The following RAPGEF2 variants were observed in gnomAD, a reference collection of about 807,000 sequenced individuals.
RAPGEF2 encodes the protein Rap guanine nucleotide exchange factor 2, also known as PDZ domain containing guanine nucleotide exchange factor (GEF) 1.
A neutral mutation model predicts 186.7 loss-of-function variants in RAPGEF2; 54 were observed. That is an observed-to-expected ratio of 0.29 (90% CI 0.23 to 0.36). RAPGEF2 has a LOEUF of 0.36. Ranked by LOEUF, RAPGEF2 falls within the 10% of genes least tolerant of loss-of-function variation. The pLI is 1.00. For missense variants in RAPGEF2, 1,532 were observed against 2,045.0 expected (o/e 0.75, Z 4.84); for synonymous variants, 712 against 705.9 (o/e 1.01, Z -0.14).
chr4:159,122,834 T>G (rs1188014696), intron 1 of RAPGEF2, among the ~76,000 whole-genome samples: 1 of 152,210 alleles, frequency 6.6e-6, no homozygotes, highest in African/African-American at 2.4e-5. Context: ...ATGCTGGAAG[T>G]GTTCCCAAGA....
intron 7 of RAPGEF2, among the ~76,000 whole-genome samples, chr4:159,302,648 A>G (rs1762812658): frequency 6.6e-6 from 1 of 152,212 alleles, no homozygotes; most frequent in Non-Finnish European, 1.5e-5. Context: ...TTGTTCCTGA[A>G]GAAGTCCTGC....
chr4:159,321,865 A>G (rs1428885289), intron 9 of RAPGEF2, among the ~76,000 whole-genome samples: 1 of 146,494 alleles, frequency 6.8e-6, no homozygotes, highest in Non-Finnish European at 1.5e-5. Context: ...TTTTTAATTG[A>G]TCTTTTTTAT....
chr4:159,292,100 T>A (rs1241789962), intron 7 of RAPGEF2, among the ~76,000 whole-genome samples: 1 of 152,154 alleles, frequency 6.6e-6, no homozygotes, highest in Non-Finnish European at 1.5e-5. Flanking sequence ...ATATTTAAAA[T>A]GTGTTGAATT....
intron 3 of RAPGEF2, among the ~76,000 whole-genome samples, chr4:159,201,140 A>G (rs1475755748): frequency 1.3e-5 from 2 of 152,186 alleles, no homozygotes; most frequent in Non-Finnish European, 2.9e-5. Flanking sequence ...GCTTTGTGCC[A>G]TTTGACTATA....
intron 1 of RAPGEF2, among the ~76,000 whole-genome samples, chr4:159,124,316 G>A (rs1399045834): frequency 6.6e-6 from 1 of 151,388 alleles, no homozygotes; most frequent in Non-Finnish European, 1.5e-5. Context: ...GAGGCGGGCG[G>A]ATCACCTGAG....
chr4:159,260,134 T>G (rs1267419020), intron 7 of RAPGEF2, among the ~76,000 whole-genome samples: 1 of 152,024 alleles, frequency 6.6e-6, no homozygotes, highest in Non-Finnish European at 1.5e-5. Context: ...ATTACAGGTG[T>G]GCACCACAAC....
At chr4:159,239,492 ACT>A (rs889235526) in intron 5 of RAPGEF2, among the ~76,000 whole-genome samples, 63 of 152,286 alleles carry the variant, frequency 4.1e-4, no homozygotes, top group African/African-American at 1.3e-3. Flanking sequence ...CTGGTTAAAC[ACT>A]CTGTTGACAT....
intron 1 of RAPGEF2, among the ~76,000 whole-genome samples, chr4:159,107,705 G>A (rs1738030401): frequency 6.6e-6 from 1 of 152,060 alleles, no homozygotes; most frequent in Non-Finnish European, 1.5e-5. Context: ...TAAGTACTTG[G>A]TAGAATTCAT....
At chr4:159,223,802 T>G (rs1309325993) in intron 4 of RAPGEF2, among the ~76,000 whole-genome samples, 2 of 152,230 alleles carry the variant, frequency 1.3e-5, no homozygotes, top group South Asian at 2.1e-4. Context: ...TCTTTTCATC[T>G]TATCTTGAAT....
At chr4:159,143,980 T>C (rs985952648) in intron 1 of RAPGEF2, among the ~76,000 whole-genome samples, 2 of 152,168 alleles carry the variant, frequency 1.3e-5, no homozygotes, top group Non-Finnish European at 2.9e-5. Context: ...CCACTGGTCT[T>C]TTTATAATCT....
At chr4:159,213,888 A>G (rs1037428044) in intron 4 of RAPGEF2, among the ~76,000 whole-genome samples, 1 of 152,226 alleles carries the variant, frequency 6.6e-6, no homozygotes, top group Non-Finnish European at 1.5e-5. Flanking sequence ...TTAATCTACT[A>G]GAAATTTGTC....
In RAPGEF2 at chr4:159,103,345, G is replaced by GCGGCGC. The variant is rs1329029964; in HGVS notation, c.-808_-803dup. 1.3e-5 allele frequency: 2 copies of GCGGCGC among 151,580 alleles called. No homozygotes were observed. Among genetic ancestry groups the GCGGCGC allele is most frequent in the Admixed American group, 6.6e-5 (1 of 15,132 alleles). 9.4% of individuals were successfully genotyped at this position (151,580 alleles called of 1,614,324 possible). The stretch of plus-strand genomic sequence containing the variant: ...GCCCGGGCCGGGTGCTCTGGCCGCG[G>GCGGCGC]CGGCGCCGGCGCCGGGGCAGCTCCG... On this transcript the variant is annotated 5_prime_UTR_variant, in exon 1 of 30. Transcript: ENST00000691494.
intron 7 of RAPGEF2, among the ~76,000 whole-genome samples, chr4:159,299,647 T>C (rs1374120203): frequency 6.6e-6 from 1 of 152,110 alleles, no homozygotes; most frequent in Non-Finnish European, 1.5e-5. Flanking sequence ...TTTTAACTTA[T>C]TATTACTTAT....
At chr4:159,212,497 AT>A (rs1750629143) in intron 4 of RAPGEF2, among the ~76,000 whole-genome samples, 1 of 152,162 alleles carries the variant, frequency 6.6e-6, no homozygotes, top group South Asian at 2.1e-4. Context: ...CTACACTTAT[AT>A]GCTTGTATTT....
At chr4:159,274,877 A>T (rs1182798176) in intron 7 of RAPGEF2, among the ~76,000 whole-genome samples, 1 of 152,246 alleles carries the variant, frequency 6.6e-6, no homozygotes, top group Non-Finnish European at 1.5e-5. Flanking sequence ...AACAAATTGC[A>T]TCATACAAGA....
chr4:159,356,327 CTTTCT>C (rs1211881065), intron 29 of RAPGEF2, among the ~76,000 whole-genome samples, 169 bp downstream of exon 29: 1 of 151,848 alleles, frequency 6.6e-6, no homozygotes, highest in African/African-American at 2.4e-5. Context: ...CTGTTGACTG[CTTTCT>C]TTTGTGTGTG....
At position 159,352,704 on chromosome 4, in the gene RAPGEF2, T is replaced by G; in HGVS notation, c.3885T>G (p.Ser1295Arg). ...SPRKGYTLAP[S>R]GTVDNFSDSG... Reference sequence around the variant, plus strand: ...ATGCAGGCTATACTTTGGCTCCCAGTGGTACTGTGGATAATTTTTCAGATT... The same window carrying G: ...ATGCAGGCTATACTTTGGCTCCCAGGGGTACTGTGGATAATTTTTCAGATT... Residue 1295 changes from serine to arginine, a missense_variant, in exon 27 of 30, where the codon AGT becomes AGG. Physicochemically the swap from Ser to Arg is moderately radical, Grantham distance 110. Around this residue, in one of 4 missense-constraint regions of RAPGEF2, gnomAD observed 594 missense variants for 608.5 expected, o/e 0.98. Transcript: ENST00000691494. The G allele has an allele frequency of 6.2e-7, 1 of 1,613,806 alleles. No homozygotes were observed. Among genetic ancestry groups the G allele is most frequent in the East Asian group, 2.2e-5 (1 of 44,886 alleles).
intron 7 of RAPGEF2, among the ~76,000 whole-genome samples, chr4:159,258,974 C>T (rs963900738): frequency 6.6e-6 from 1 of 152,136 alleles, no homozygotes; most frequent in African/African-American, 2.4e-5. Context: ...ATAAAACTGA[C>T]ACTTATTGAA....
chr4:159,304,153 A>C (rs1405549271), intron 7 of RAPGEF2, among the ~76,000 whole-genome samples, 189 bp from the exon 8 acceptor site: 1 of 152,196 alleles, frequency 6.6e-6, no homozygotes. Flanking sequence ...ATGTGTGCTC[A>C]TACACTTTAA....
Sources: allele counts gnomAD v4.1 joint callset (sites outside exome capture counted in the v4.1 genomes callset), GRCh38; gene constraint gnomAD v4.1.1; regional missense constraint gnomAD v4.1.1; transcripts MANE v1.5; gene names NCBI Gene and HGNC (gene_info 2026-07-23, HGNC 2026-07-21).